Variants in STYXL1 observed in about 807,000 individuals in gnomAD.
The protein encoded by STYXL1 is serine/threonine/tyrosine-interacting-like protein 1.
Under a neutral mutation model 36.4 loss-of-function variants are expected in STYXL1, and 32 were observed. The observed-to-expected ratio is 0.88, with a 90% CI of 0.66 to 1.18. The LOEUF is 1.18. STYXL1 is among the 50% of genes most tolerant of loss of function. The pLI, the probability that STYXL1 is intolerant of heterozygous loss-of-function variation, is 0.00. For synonymous variants in STYXL1, 133 were observed against 144.1 expected, an observed-to-expected ratio of 0.92 and a Z score of 0.55; for missense variants, 354 against 394.1, an observed-to-expected ratio of 0.90 and a Z score of 0.86.
At chr7:76,019,918 A>C (rs1585253764) in intron 4 of STYXL1, among the ~76,000 whole-genome samples, 1 of 136,962 alleles carries the variant, frequency 7.3e-6, no homozygotes, top group Non-Finnish European at 1.5e-5. Flanking sequence ...ACAAAGCGAG[A>C]CCCTGACTCA....
At chr7:76,016,002 G>A (rs1793258170) in intron 4 of STYXL1, among the ~76,000 whole-genome samples, 1 of 152,102 alleles carries the variant, frequency 6.6e-6, no homozygotes, top group African/African-American at 2.4e-5. Flanking sequence ...TGGCTTCCTT[G>A]CTCCTCAGCT....
chr7:76,021,579 C>T (rs782514526), intron 4 of STYXL1, among the ~76,000 whole-genome samples: 1 of 152,158 alleles, frequency 6.6e-6, no homozygotes, highest in Admixed American at 6.6e-5. Flanking sequence ...CTTTCCTCAA[C>T]CAATCAATGA....
chr7:76,005,511 G>A lies in STYXL1; in HGVS notation c.454-107C>T, dbSNP rs1791554891. 8.2e-6 allele frequency: 9 copies of A among 1,092,432 alleles called. No individual in the cohort carries two copies. The South Asian group carries it at 1.4e-4, about 17-fold the overall frequency. The allele number at this position is 1,092,432 out of a possible 1,614,324, so 67.7% of individuals were successfully genotyped here. A position where few individuals can be genotyped will look rare whatever the true frequency, so the allele number is the denominator to read the frequency against. ...AAACGAGCGTAAAAGGGCAGTTCCA[G>A]GACAGTGAATGTGACGGAGATCCAG... is the stretch of plus-strand genomic sequence containing the variant. On this transcript the variant is annotated intron_variant, in intron 5 of 8. Transcript: ENST00000359697.
chr7:76,023,505 G>A (rs971353106), intron 3 of STYXL1, among the ~76,000 whole-genome samples: 2 of 151,856 alleles, frequency 1.3e-5, no homozygotes, highest in Non-Finnish European at 2.9e-5. Flanking sequence ...CTGGGACCAC[G>A]GGCATGCACC....
intron 2 of STYXL1, 81 bp downstream of exon 2, chr7:76,030,340 G>C (rs1425823390): frequency 2.0e-6 from 2 of 994,914 alleles, no homozygotes; most frequent in Admixed American, 1.9e-5. Flanking sequence ...CCCCCACCCC[G>C]CCAAAAGTTT....
downstream of STYXL1, chr7:75,996,341 A>G (rs139466434): frequency 3.4e-5 from 53 of 1,579,840 alleles, no homozygotes; most frequent in African/African-American, 1.1e-4. Flanking sequence ...GGAGGCTAAC[A>G]TGAGACTTTC....
Position 76,003,876 on chromosome 7 carries a change from G to A in STYXL1, c.600-21C>T, listed in dbSNP as rs782373976. On this transcript the variant is annotated intron_variant, in intron 6 of 8. Coordinates refer to ENST00000359697, the MANE Select transcript of STYXL1 (RefSeq NM_001317785.2). ...CAAAACTACACGGAAGGACCACACA[G>A]GTCATCAGGTGGAATGCAGAATGCA... 3 of 1,612,138 alleles carry A rather than the reference G, an allele frequency of 1.9e-6. No homozygotes were observed. The East Asian group carries it at 6.7e-5, about 36-fold the overall frequency.
chr7:76,019,943 A>G (rs1044298134), intron 4 of STYXL1, among the ~76,000 whole-genome samples: 70 of 151,924 alleles, frequency 4.6e-4, no homozygotes, highest in East Asian at 7.8e-4. Context: ...AAAAAAAAAA[A>G]AAAGAAAGAA....
Position 76,038,847 on chromosome 7 carries a change from C to T in STYXL1, c.-4-8320G>A, listed in dbSNP as rs182020336. Among the ~76,000 whole-genome samples the T allele has an allele frequency of 1.8e-4, 27 of 149,460 alleles. 1 individual carries two copies. In the East Asian group the frequency reaches 4.8e-3, roughly 27 times the overall value. ...TGTTGCCCAGGCTGGAGTGCAGTGG[C>T]GCGATCGTCACTCACTGCAGCCTCA... On this transcript the variant is annotated intron_variant, in intron 1 of 8. Coordinates refer to ENST00000359697, the MANE Select transcript of STYXL1 (RefSeq NM_001317785.2).
At chr7:76,010,842 C>T (rs1554572012) in intron 5 of STYXL1, among the ~76,000 whole-genome samples, 1 of 152,098 alleles carries the variant, frequency 6.6e-6, no homozygotes. Context: ...AGACTTGATT[C>T]AGATTTGAGG....
chr7:76,028,543 G>C (rs1029717309), intron 3 of STYXL1, 99 bp downstream of exon 3: 16 of 1,134,354 alleles, frequency 1.4e-5, no homozygotes, highest in Non-Finnish European at 2.1e-5. Context: ...AAACAGTCCT[G>C]CTTCTGCTGC....
rs528469396 is a variant in STYXL1 at position 76,042,390 on chromosome 7, C to CTTTTTTTTTTTTTTTTTTTTT, written c.-5+5251_-5+5271dup. 3.8e-4 allele frequency among the ~76,000 whole-genome samples: 16 copies of CTTTTTTTTTTTTTTTTTTTTT among 41,832 alleles called. 7 individuals carry two copies. Among genetic ancestry groups the CTTTTTTTTTTTTTTTTTTTTT allele is most frequent in the East Asian group, 1.3e-3 (2 of 1,482 alleles). The allele number at this position is 41,832 out of a possible 152,430, so 27.4% of individuals were successfully genotyped here. A position where few individuals can be genotyped will look rare whatever the true frequency, so the allele number is the denominator to read the frequency against. On this transcript the variant is annotated intron_variant, in intron 1 of 8. Transcript: ENST00000359697. Reference sequence around the variant, plus strand: ...ACTGCTCCCTGGGTGCCCTTATGTGCTTTTTTTTTTTTTTTTTTTTTTTTT... The same window carrying CTTTTTTTTTTTTTTTTTTTTT: ...ACTGCTCCCTGGGTGCCCTTATGTGCTTTTTTTTTTTTTTTTTTTTTTTTTTTTTTTTTTTTTTTTTTTTTT...
intron 1 of STYXL1, among the ~76,000 whole-genome samples, chr7:76,046,331 TGTGTGTGTGCGCGC>T (rs1425359733): frequency 6.7e-3 from 78 of 11,658 alleles, no homozygotes; most frequent in African/African-American, 0.015. Flanking sequence ...TGTGTGTGTG[TGTGTGTGTGCGCGC>T]GCGCGCGCGC....
At position 76,023,890 on chromosome 7, in the gene STYXL1, A is replaced by G. The variant is rs529404210; in HGVS notation, c.166-1898T>C. Among the ~76,000 whole-genome samples, 48 of 152,140 alleles carry G rather than the reference A, an allele frequency of 3.2e-4. No individual in the cohort carries two copies. In the South Asian group the frequency reaches 1.0e-2, roughly 32 times the overall value. On this transcript the variant is annotated intron_variant, in intron 3 of 8. Coordinates refer to ENST00000359697, the MANE Select transcript of STYXL1 (RefSeq NM_001317785.2). ...TAGCCAGGTGTGGTGGCACACGCCT[A>G]TAGTACCAGCTACCAAAGAGGCTGA...
intron 5 of STYXL1, among the ~76,000 whole-genome samples, chr7:76,011,029 A>C (rs1554572055): frequency 6.6e-6 from 1 of 152,164 alleles, no homozygotes; most frequent in Non-Finnish European, 1.5e-5. Flanking sequence ...AGCCTGGGGA[A>C]CATAGCAAGA....
chr7:76,009,623 A>C (rs1319743942), intron 5 of STYXL1, among the ~76,000 whole-genome samples: 2 of 152,116 alleles, frequency 1.3e-5, no homozygotes, highest in Non-Finnish European at 2.9e-5. Flanking sequence ...GTTGGCCAGA[A>C]TGGTCTTGAT....
chr7:76,034,891 A>G (rs1795765627), intron 1 of STYXL1, among the ~76,000 whole-genome samples: 1 of 152,204 alleles, frequency 6.6e-6, no homozygotes, highest in Non-Finnish European at 1.5e-5. Flanking sequence ...TACCACACAC[A>G]TACCAATGAT....
intron 3 of STYXL1, among the ~76,000 whole-genome samples, chr7:76,026,740 G>A (rs543599083): frequency 1.3e-5 from 2 of 152,330 alleles, no homozygotes; most frequent in African/African-American, 4.8e-5. Flanking sequence ...AGGAGAAAAT[G>A]AAGGTGAACC....
At position 76,030,465 on chromosome 7, in the gene STYXL1, G is replaced by A; in HGVS notation, c.59C>T (p.Thr20Ile). The change falls in exon 2 of 9, where the codon ACA becomes ATA. Residue 20 changes from threonine (T) to isoleucine (I), a missense_variant. Physicochemically the swap from Thr to Ile is moderately conservative, Grantham distance 89 (BLOSUM62 -1). Coordinates refer to ENST00000359697, the MANE Select transcript of STYXL1 (RefSeq NM_001317785.2). ...GGGGTCTGTTAATCTGGAGAGTTTT[G>A]TGGCCTGATTCAGGATGTTGTAAAG... is the stretch of plus-strand genomic sequence containing the variant. ...TELYNILNQA[T>I]KLSRLTDPNY... The A allele has an allele frequency of 6.2e-7, 1 of 1,613,928 alleles. No homozygotes were observed. Among genetic ancestry groups the A allele is most frequent in the Non-Finnish European group, 8.5e-7 (1 of 1,179,878 alleles).
Sources: gnomAD v4.1 joint callset for allele counts (sites outside exome capture counted in the v4.1 genomes callset) on GRCh38, gnomAD v4.1.1 for gene constraint, MANE v1.5 for transcripts, NCBI Gene and HGNC (gene_info 2026-07-23, HGNC 2026-07-21) for gene names.